The following OPCML variants were observed in gnomAD, a reference collection of about 807,000 sequenced individuals.
OPCML encodes opioid-binding protein/cell adhesion molecule.
In OPCML, 13 loss-of-function variants were observed where a neutral mutation model predicts 37.8. The ratio of observed to expected loss-of-function variants is 0.34; its 90% CI spans 0.22 to 0.55. The LOEUF (loss-of-function observed/expected upper bound fraction) is 0.55. Ranked by LOEUF, OPCML falls within the 20% of genes least tolerant of loss-of-function variation. The pLI is 0.91. For missense variants in OPCML, 341 were observed against 435.6 expected (o/e 0.78, Z 1.93); for synonymous variants, 176 against 168.8 (o/e 1.04, Z -0.33).
At chr11:133,409,490 C>T (rs759109496) in intron 1 of OPCML, among the ~76,000 whole-genome samples, 2 of 152,182 alleles carry the variant, frequency 1.3e-5, no homozygotes, top group South Asian at 2.1e-4. Flanking sequence ...TAAGCATCAT[C>T]GACAAATGTT....
chr11:133,362,587 T>C (rs1245025079), intron 1 of OPCML, among the ~76,000 whole-genome samples: 1 of 152,062 alleles, frequency 6.6e-6, no homozygotes, highest in African/African-American at 2.4e-5. Context: ...CTCTCTCTGA[T>C]GGAGATAAAT....
At chr11:133,043,726 A>G (rs1051282530) in intron 1 of OPCML, among the ~76,000 whole-genome samples, 3 of 152,178 alleles carry the variant, frequency 2.0e-5, no homozygotes, top group Admixed American at 2.0e-4. Context: ...TTTTATGTGC[A>G]TGATGAAAAG....
chr11:132,647,798 G>T (rs933821928), intron 3 of OPCML, among the ~76,000 whole-genome samples: 2 of 152,154 alleles, frequency 1.3e-5, no homozygotes, highest in Admixed American at 1.3e-4. Context: ...AGGGTCAACC[G>T]TACTCAGCAG....
At chr11:133,376,947 G>A (rs1282907109) in intron 1 of OPCML, among the ~76,000 whole-genome samples, 6 of 152,168 alleles carry the variant, frequency 3.9e-5, no homozygotes, top group Non-Finnish European at 5.9e-5. Flanking sequence ...AATGGGAAAT[G>A]AAGAAAGGTC....
intron 1 of OPCML, among the ~76,000 whole-genome samples, chr11:133,170,888 A>T (rs1407123667): frequency 1.3e-5 from 2 of 152,202 alleles, no homozygotes; most frequent in African/African-American, 4.8e-5. Context: ...CCTCATGAGC[A>T]AAGAAGTGGT....
chr11:133,080,078 C>T (rs1259049376), intron 1 of OPCML, among the ~76,000 whole-genome samples: 3 of 152,182 alleles, frequency 2.0e-5, no homozygotes, highest in African/African-American at 7.2e-5. Context: ...TCCTTATGGT[C>T]TATGAATAGG....
At chr11:132,800,759 G>C (rs1938596933) in intron 2 of OPCML, among the ~76,000 whole-genome samples, 1 of 152,132 alleles carries the variant, frequency 6.6e-6, no homozygotes, top group Admixed American at 6.5e-5. Flanking sequence ...ATTGTATTTA[G>C]TCATGATGTA....
intron 1 of OPCML, among the ~76,000 whole-genome samples, chr11:133,432,786 C>T (rs560616699): frequency 1.3e-3 from 203 of 152,224 alleles, no homozygotes; most frequent in South Asian, 0.01. Flanking sequence ...AGAGTGAATT[C>T]ACAGGAACAC....
intron 2 of OPCML, among the ~76,000 whole-genome samples, chr11:132,713,414 C>A (rs982299027): frequency 1.3e-5 from 2 of 151,898 alleles, no homozygotes; most frequent in Non-Finnish European, 2.9e-5. Flanking sequence ...GTAAGAAACT[C>A]TATAAATTTT....
At chr11:133,499,252 G>A (rs1287714204) in intron 1 of OPCML, among the ~76,000 whole-genome samples, 1 of 152,156 alleles carries the variant, frequency 6.6e-6, no homozygotes, top group African/African-American at 2.4e-5. Flanking sequence ...CGGGCGAGGG[G>A]CAGGCAGGGT....
At chr11:132,993,823 C>A (rs971667074) in intron 1 of OPCML, among the ~76,000 whole-genome samples, 12 of 152,178 alleles carry the variant, frequency 7.9e-5, no homozygotes, top group Admixed American at 3.3e-4. Flanking sequence ...ACTACCCCCC[C>A]ACCCCGGAAT....
intron 2 of OPCML, among the ~76,000 whole-genome samples, chr11:132,725,702 C>A (rs1944853955): frequency 1.3e-5 from 2 of 150,626 alleles, no homozygotes; most frequent in African/African-American, 4.9e-5. Context: ...TGGTTTGCTG[C>A]TTAGAAATTT....
At chr11:133,099,933 A>G (rs1949061725) in intron 1 of OPCML, among the ~76,000 whole-genome samples, 1 of 152,168 alleles carries the variant, frequency 6.6e-6, no homozygotes, top group Non-Finnish European at 1.5e-5. Context: ...AGGTCCATCA[A>G]TGGTGGACTG....
intron 1 of OPCML, among the ~76,000 whole-genome samples, chr11:133,410,205 A>G (rs989067383): frequency 1.3e-5 from 2 of 152,228 alleles, no homozygotes; most frequent in Admixed American, 6.5e-5. Context: ...CAGTGCTTGC[A>G]GCATAGACTG....
intron 2 of OPCML, among the ~76,000 whole-genome samples, chr11:132,838,095 A>C (rs988425355): frequency 6.6e-6 from 1 of 152,168 alleles, no homozygotes; most frequent in Non-Finnish European, 1.5e-5. Context: ...ACACTTGTCC[A>C]TCATGTTCAC....
intron 1 of OPCML, among the ~76,000 whole-genome samples, chr11:133,200,443 C>T (rs906440608): frequency 9.9e-5 from 15 of 152,142 alleles, no homozygotes; most frequent in Admixed American, 3.3e-4. Flanking sequence ...TGCCAAAGTA[C>T]ATAAAGCAAA....
At chr11:133,268,550 T>A (rs563896916) in intron 1 of OPCML, among the ~76,000 whole-genome samples, 5 of 152,228 alleles carry the variant, frequency 3.3e-5, no homozygotes, top group Non-Finnish European at 7.3e-5. Flanking sequence ...GCCATAGTCA[T>A]CAGAGATAAT....
intron 2 of OPCML, among the ~76,000 whole-genome samples, chr11:132,791,264 T>C (rs1937889784): frequency 6.6e-6 from 1 of 152,210 alleles, no homozygotes; most frequent in South Asian, 2.1e-4. Flanking sequence ...GTCTGATACT[T>C]GTTTTCCCTG....
chr11:132,524,129 C>G (rs1316100578), intron 4 of OPCML, among the ~76,000 whole-genome samples: 1 of 152,192 alleles, frequency 6.6e-6, no homozygotes, highest in Non-Finnish European at 1.5e-5. Flanking sequence ...ACAACAGACT[C>G]CAGGATCTTC....
Sources: allele counts gnomAD v4.1 joint callset (sites outside exome capture counted in the v4.1 genomes callset), GRCh38; gene constraint gnomAD v4.1.1; transcripts MANE v1.5; gene names NCBI Gene and HGNC (gene_info 2026-07-23, HGNC 2026-07-21).